Variants in CFAP61 observed in about 807,000 individuals in gnomAD.
CFAP61 encodes the protein cilia and flagella associated protein 61, also known as cilia- and flagella-associated protein 61.
Under a neutral mutation model 135.6 loss-of-function variants are expected in CFAP61, and 107 were observed. The ratio of observed to expected loss-of-function variants is 0.79; its 90% confidence interval spans 0.67 to 0.93. The LOEUF is 0.93. Among genes scored for constraint, CFAP61 ranks in the 40% least tolerant of loss-of-function variants. The pLI, the probability that CFAP61 is intolerant of heterozygous loss-of-function variation, is 0.00. For missense variants in CFAP61, 1,507 were observed against 1,556.2 expected (o/e 0.97, Z 0.53); for synonymous variants, 575 against 578.5 (o/e 0.99, Z 0.09).
chr20:20,267,412 A>T (rs565505072), intron 21 of CFAP61: 22 of 152,520 alleles, frequency 1.4e-4, no homozygotes, highest in African/African-American at 5.1e-4. Context: ...CGCTGTACAC[A>T]CATAGCACTT....
chr20:20,190,885 A>G (rs531908519), intron 14 of CFAP61, among the ~76,000 whole-genome samples: 4 of 152,124 alleles, frequency 2.6e-5, no homozygotes, highest in Non-Finnish European at 2.9e-5. Context: ...CTGGGAGCCC[A>G]AGGCAGGTGG....
intron 24 of CFAP61, 93 bp from the exon 25 acceptor site, chr20:20,298,088 C>G: frequency 1.2e-6 from 1 of 821,084 alleles, no homozygotes; most frequent in South Asian, 1.5e-5. Flanking sequence ...TATAACCTGT[C>G]TGTTATATTT....
chr20:20,273,786 T>C (rs1460157024), intron 21 of CFAP61, among the ~76,000 whole-genome samples: 1 of 152,144 alleles, frequency 6.6e-6, no homozygotes, highest in Non-Finnish European at 1.5e-5. Flanking sequence ...TGGTGAGTGC[T>C]GGGAAGGAAA....
At chr20:20,226,316 G>A (rs924075696) in intron 17 of CFAP61, 5 of 152,170 alleles carry the variant, frequency 3.3e-5, no homozygotes, top group African/African-American at 1.2e-4. Context: ...AGAAGAACAT[G>A]CTCTGGCTCT....
At chr20:20,348,458 C>T (rs897016147) in intron 26 of CFAP61, among the ~76,000 whole-genome samples, 1 of 151,934 alleles carries the variant, frequency 6.6e-6, no homozygotes, top group African/African-American at 2.4e-5. Context: ...AAGGCCAAGG[C>T]AGGCAGATCA....
At chr20:20,144,890 G>C (rs1477030513) in intron 9 of CFAP61, among the ~76,000 whole-genome samples, 7 of 152,078 alleles carry the variant, frequency 4.6e-5, no homozygotes, top group Non-Finnish European at 1.5e-5. Flanking sequence ...TAAAGAAATA[G>C]AAGAAAATAA....
chr20:20,255,289 C>A (rs567557422), intron 20 of CFAP61, among the ~76,000 whole-genome samples: 26 of 152,288 alleles, frequency 1.7e-4, no homozygotes, highest in Non-Finnish European at 2.5e-4. Flanking sequence ...CAGAGAGATG[C>A]CTTCCCCAGG....
chr20:20,335,317 A>G (rs1193858039), intron 25 of CFAP61, among the ~76,000 whole-genome samples: 2 of 152,242 alleles, frequency 1.3e-5, no homozygotes, highest in African/African-American at 4.8e-5. Context: ...TTAAAAGTAG[A>G]TGCTGTAGAG....
intron 19 of CFAP61, 34 bp downstream of exon 19, chr20:20,246,249 C>T (rs1258052269): frequency 8.1e-7 from 1 of 1,241,578 alleles, no homozygotes; most frequent in Non-Finnish European, 1.2e-6. Context: ...ATTCTGAGGC[C>T]TAAATGTCCT....
intron 26 of CFAP61, among the ~76,000 whole-genome samples, chr20:20,351,207 C>T (rs2058821138): frequency 6.6e-6 from 1 of 152,026 alleles, no homozygotes; most frequent in Admixed American, 6.6e-5. Context: ...ACATAAAATC[C>T]TTAAAGACTC....
In CFAP61 at chr20:20,298,200, G is replaced by A. The variant is rs2055791356; in HGVS notation, c.3236G>A (p.Gly1079Asp). 6.2e-7 allele frequency: 1 copy of A among 1,613,652 alleles called. No individual in the cohort carries two copies. The highest frequency in any genetic ancestry group is 8.5e-7 in the Non-Finnish European group (1 of 1,179,626). ...CTCCAGGGTTTAGAACTAGTAACCG[G>A]CAGTGCGAAAAATGGGACTTACTTC... ...QPNYGLELVT[G>D]SAKNGTYFRI... Residue 1079 changes from glycine to aspartate, a missense_variant, in exon 25 of 27, where the codon GGC becomes GAC. Coordinates refer to ENST00000245957, the MANE Select transcript of CFAP61 (RefSeq NM_015585.4).
intron 21 of CFAP61, among the ~76,000 whole-genome samples, chr20:20,269,132 T>TACACACACACACACACACACAC (rs74174557): frequency 2.1e-4 from 18 of 87,132 alleles, no homozygotes; most frequent in Admixed American, 8.8e-4. Flanking sequence ...TATATATATA[T>TACACACACACACACACACACAC]ATATATATAT....
chr20:20,101,131 GC>G, intron 8 of CFAP61, among the ~76,000 whole-genome samples: 1 of 152,296 alleles, frequency 6.6e-6, no homozygotes, highest in Non-Finnish European at 1.5e-5. Flanking sequence ...ACATTTTGCT[GC>G]CATCTTCCTA....
At chr20:20,356,061 G>A (rs2059132127) in intron 26 of CFAP61, among the ~76,000 whole-genome samples, 1 of 145,764 alleles carries the variant, frequency 6.9e-6, no homozygotes, top group African/African-American at 2.5e-5. Flanking sequence ...ACACTGAGGG[G>A]AGGTAGTGAC....
chr20:20,083,525 T>G (rs2146596772), intron 6 of CFAP61, among the ~76,000 whole-genome samples: 1 of 152,306 alleles, frequency 6.6e-6, no homozygotes, highest in African/African-American at 2.4e-5. Context: ...AAAAAAACAT[T>G]CTTTAAGATT....
chr20:20,056,486 A>G, intron 1 of CFAP61, 132 bp from the exon 2 acceptor site: 2 of 644,538 alleles, frequency 3.1e-6, no homozygotes, highest in Admixed American at 3.0e-5. Flanking sequence ...CAGTTGTCAC[A>G]GACTACACCC....
At chr20:20,328,646 G>A (rs1387299002) in intron 25 of CFAP61, among the ~76,000 whole-genome samples, 1 of 152,084 alleles carries the variant, frequency 6.6e-6, no homozygotes, top group Non-Finnish European at 1.5e-5. Context: ...CTGATAGGGG[G>A]TTAATATCCA....
At chr20:20,256,353 A>G (rs1569201361) in intron 20 of CFAP61, among the ~76,000 whole-genome samples, 1 of 152,166 alleles carries the variant, frequency 6.6e-6, no homozygotes, top group Non-Finnish European at 1.5e-5. Flanking sequence ...CAATATTTGG[A>G]AAAATCAGAG....
At chr20:20,235,495 G>A (rs1006403984) in intron 18 of CFAP61, among the ~76,000 whole-genome samples, 4 of 152,042 alleles carry the variant, frequency 2.6e-5, no homozygotes, top group African/African-American at 4.8e-5. Flanking sequence ...CCACCAGGCC[G>A]ATGTGGTGTT....
Sources: allele counts gnomAD v4.1 joint callset (sites outside exome capture counted in the v4.1 genomes callset), GRCh38; gene constraint gnomAD v4.1.1; transcripts MANE v1.5; gene names NCBI Gene and HGNC (gene_info 2026-07-23, HGNC 2026-07-21).